ARHGAP15: variants seen among roughly 807,000 people sequenced by gnomAD.
ARHGAP15 encodes Rho GTPase activating protein 15, also known as rho GTPase-activating protein 15.
ARHGAP15 carries 51 observed loss-of-function variants against 63.7 expected under a neutral mutation model. That is an observed-to-expected ratio of 0.80 (90% CI 0.64 to 1.01). The LOEUF (loss-of-function observed/expected upper bound fraction) is 1.01. ARHGAP15 is among the 50% of genes least tolerant of loss of function. ARHGAP15 has a pLI of 0.00. For missense variants in ARHGAP15, 560 were observed against 564.6 expected (o/e 0.99, Z 0.08); for synonymous variants, 191 against 193.8 (o/e 0.99, Z 0.12).
At chr2:143,674,611 C>T (rs1387516431) in intron 12 of ARHGAP15, among the ~76,000 whole-genome samples, 7 of 152,148 alleles carry the variant, frequency 4.6e-5, no homozygotes, top group Non-Finnish European at 1.0e-4. Flanking sequence ...GGGTCAATTT[C>T]AGACTACCCC....
chr2:143,465,169 C>T (rs909013553), intron 8 of ARHGAP15, among the ~76,000 whole-genome samples: 1 of 152,080 alleles, frequency 6.6e-6, no homozygotes, highest in Non-Finnish European at 1.5e-5. Flanking sequence ...TTTCCATTAA[C>T]ATTTTAAAAT....
intron 6 of ARHGAP15, among the ~76,000 whole-genome samples, chr2:143,397,753 T>C (rs1459069133): frequency 6.6e-6 from 1 of 152,182 alleles, no homozygotes; most frequent in Admixed American, 6.6e-5. Context: ...ACCAACATCA[T>C]TAATTTCCAC....
chr2:143,668,009 A>ATATTT (rs1041868583), intron 12 of ARHGAP15, among the ~76,000 whole-genome samples: 21 of 151,992 alleles, frequency 1.4e-4, no homozygotes, highest in African/African-American at 5.1e-4. Flanking sequence ...ATATAAAAAT[A>ATATTT]TATTTTTTAA....
intron 6 of ARHGAP15, among the ~76,000 whole-genome samples, chr2:143,254,033 C>T (rs75898962): frequency 0.016 from 2,482 of 152,160 alleles, 35 homozygotes; most frequent in Non-Finnish European, 0.026. Context: ...GAGCTGGGTA[C>T]GCGTTTTCTT....
intron 11 of ARHGAP15, among the ~76,000 whole-genome samples, chr2:143,604,709 A>T (rs1318666206): frequency 2.0e-5 from 3 of 152,190 alleles, no homozygotes; most frequent in Non-Finnish European, 2.9e-5. Context: ...AAGATATGAT[A>T]GAATTTGTTG....
intron 10 of ARHGAP15, among the ~76,000 whole-genome samples, chr2:143,545,550 C>T (rs1352948822): frequency 6.6e-6 from 1 of 151,544 alleles, no homozygotes; most frequent in African/African-American, 2.4e-5. Context: ...AGTTGGCAAG[C>T]GTTCTCGGGG....
chr2:143,322,592 T>C (rs2105228711), intron 6 of ARHGAP15, among the ~76,000 whole-genome samples: 1 of 152,352 alleles, frequency 6.6e-6, no homozygotes, highest in Non-Finnish European at 1.5e-5. Flanking sequence ...TTTCCTTTAG[T>C]TAGAATTTTG....
At chr2:143,558,653 T>G (rs768496346) in intron 11 of ARHGAP15, among the ~76,000 whole-genome samples, 1 of 152,202 alleles carries the variant, frequency 6.6e-6, no homozygotes, top group Non-Finnish European at 1.5e-5. Flanking sequence ...CTTTTCCCAT[T>G]AACCAGTTCT....
chr2:143,424,277 TG>T (rs1402691642), intron 6 of ARHGAP15, among the ~76,000 whole-genome samples: 1 of 152,116 alleles, frequency 6.6e-6, no homozygotes, highest in Non-Finnish European at 1.5e-5. Context: ...AAGAATGGAT[TG>T]TAACTATACC....
intron 8 of ARHGAP15, among the ~76,000 whole-genome samples, chr2:143,478,718 CATT>C (rs1398599434): frequency 9.2e-5 from 14 of 151,786 alleles, no homozygotes; most frequent in African/African-American, 3.1e-4. Context: ...ATAAATATGA[CATT>C]AGAATAATCC....
At chr2:143,496,162 T>G (rs538384434) in intron 9 of ARHGAP15, among the ~76,000 whole-genome samples, 1 of 152,266 alleles carries the variant, frequency 6.6e-6, no homozygotes, top group South Asian at 2.1e-4. Flanking sequence ...TTCTGTTATT[T>G]AAAGGCTCTT....
chr2:143,700,870 T>C (rs1370278546), intron 12 of ARHGAP15, among the ~76,000 whole-genome samples: 1 of 152,196 alleles, frequency 6.6e-6, no homozygotes, highest in Non-Finnish European at 1.5e-5. Context: ...TGATATTTCA[T>C]AGGCCCCAGT....
At chr2:143,265,107 A>G (rs1680922985) in intron 6 of ARHGAP15, among the ~76,000 whole-genome samples, 1 of 152,204 alleles carries the variant, frequency 6.6e-6, no homozygotes, top group South Asian at 2.1e-4. Context: ...ATTTGGCTTG[A>G]AAAGTTACAA....
chr2:143,236,044 C>A, intron 5 of ARHGAP15: 2 of 1,506,226 alleles, frequency 1.3e-6, no homozygotes, highest in South Asian at 1.3e-5. Flanking sequence ...TGGATTGCAT[C>A]ATAGAGAAGA....
intron 2 of ARHGAP15, among the ~76,000 whole-genome samples, chr2:143,170,100 G>A (rs1251408099): frequency 6.7e-6 from 1 of 149,760 alleles, no homozygotes; most frequent in Non-Finnish European, 1.5e-5. Flanking sequence ...TTCAGCAAAT[G>A]AGCTTCCAAC....
chr2:143,577,299 G>T (rs74494815), intron 11 of ARHGAP15, among the ~76,000 whole-genome samples: 1 of 152,000 alleles, frequency 6.6e-6, no homozygotes, highest in African/African-American at 2.4e-5. Flanking sequence ...GTTGACTTTC[G>T]ATTTCTTTAC....
chr2:143,202,290 A>G (rs1692151961), intron 3 of ARHGAP15, 88 bp downstream of exon 3: 1 of 1,103,766 alleles, frequency 9.1e-7, no homozygotes, highest in Non-Finnish European at 1.4e-6. Flanking sequence ...TTAAGTTATT[A>G]TCTCATTTTT....
At chr2:143,450,715 G>GA (rs1186242774) in intron 8 of ARHGAP15, among the ~76,000 whole-genome samples, 2 of 151,688 alleles carry the variant, frequency 1.3e-5, no homozygotes, top group East Asian at 1.9e-4. Flanking sequence ...TAAAGATTAG[G>GA]AAAAAAAGAA....
chr2:143,155,311 A>G lies in ARHGAP15; in HGVS notation c.-14-166A>G, dbSNP rs138635777. On this transcript the variant is annotated intron_variant, in intron 1 of 13. Coordinates refer to ENST00000295095, the MANE Select transcript of ARHGAP15 (RefSeq NM_018460.4). ...TATCCACATGTAAAGGTCCCAACTG[A>G]CAAAATAACTTACAAAGGAACTACT... Among the ~76,000 whole-genome samples, 142 of 152,062 alleles carry G rather than the reference A, an allele frequency of 9.3e-4. No individual in the cohort carries two copies. The East Asian group carries it at 0.025, about 26-fold the overall frequency.
Sources: allele counts gnomAD v4.1 joint callset (sites outside exome capture counted in the v4.1 genomes callset), GRCh38; gene constraint gnomAD v4.1.1; transcripts MANE v1.5; gene names NCBI Gene and HGNC (gene_info 2026-07-23, HGNC 2026-07-21).